The following PCM1 variants were observed in gnomAD, a reference collection of about 807,000 sequenced individuals.
PCM1 encodes pericentriolar material 1 protein.
A neutral mutation model predicts 241.9 loss-of-function variants in PCM1; 157 were observed. The ratio of observed to expected loss-of-function variants is 0.65; its 90% CI spans 0.57 to 0.74. The LOEUF (loss-of-function observed/expected upper bound fraction) is 0.74. PCM1 is among the 30% of genes least tolerant of loss of function. The probability of loss-of-function intolerance (pLI) is 0.00; values close to 1 mark genes in which losing one functional copy is unlikely to be tolerated. For missense variants in PCM1, 3,478 were observed against 2,360.1 expected, an observed-to-expected ratio of 1.47 and a Z score of -9.81; for synonymous variants, 1,085 against 784.9, an observed-to-expected ratio of 1.38 and a Z score of -6.39.
intron 2 of PCM1, among the ~76,000 whole-genome samples, chr8:17,933,422 C>A (rs1243993775): frequency 1.3e-5 from 2 of 152,036 alleles, no homozygotes; most frequent in Non-Finnish European, 2.9e-5. Context: ...GTTTATTCTT[C>A]CAGATAAATT....
chr8:18,004,941 T>G (rs1425334421), intron 29 of PCM1, among the ~76,000 whole-genome samples: 1 of 152,200 alleles, frequency 6.6e-6, no homozygotes, highest in Non-Finnish European at 1.5e-5. Context: ...GCTTTCCCCC[T>G]CTAGCTACTC....
chr8:17,947,139 A>G (rs987446400), intron 6 of PCM1, 47 bp from the exon 7 acceptor site: 2 of 1,255,154 alleles, frequency 1.6e-6, no homozygotes, highest in Non-Finnish European at 2.2e-6. Flanking sequence ...AAACCGCAAC[A>G]TGGATTTTAA....
At chr8:17,925,232 G>C (rs577509487) in intron 2 of PCM1, 28 of 152,098 alleles carry the variant, frequency 1.8e-4, no homozygotes, top group Non-Finnish European at 3.1e-4. Context: ...ATTATTTTTT[G>C]TACTTCGATC....
chr8:17,955,845 A>G (rs377160498), intron 10 of PCM1, 192 bp downstream of exon 10: 20 of 589,278 alleles, frequency 3.4e-5, no homozygotes, highest in Admixed American at 1.5e-4. Flanking sequence ...GTGATGTAAC[A>G]TAGTTTCTGT....
intron 13 of PCM1, 33 bp from the exon 14 acceptor site, chr8:17,959,981 C>G (rs1184510203): frequency 1.3e-6 from 2 of 1,599,972 alleles, no homozygotes; most frequent in South Asian, 1.1e-5. Context: ...CTTGAGGTAT[C>G]AAGATTGTTT....
chr8:17,997,920 C>T (rs112047909), intron 29 of PCM1, among the ~76,000 whole-genome samples: 2,828 of 150,650 alleles, frequency 0.019, 98 homozygotes, highest in African/African-American at 0.066. Flanking sequence ...CCTATAATGA[C>T]AGCTACTTGG....
chr8:17,947,430 A>C (rs755859389), intron 7 of PCM1, 67 bp downstream of exon 7: 1 of 1,113,252 alleles, frequency 9.0e-7, no homozygotes, highest in Non-Finnish European at 1.3e-6. Context: ...TGCAGGGTGG[A>C]TGCTGATTAT....
intron 36 of PCM1, among the ~76,000 whole-genome samples, chr8:18,017,943 TA>T (rs2093379724): frequency 6.6e-6 from 1 of 152,190 alleles, no homozygotes; most frequent in Non-Finnish European, 1.5e-5. Context: ...TTACTCTCCA[TA>T]AGGCCCTTAA....
chr8:18,009,422 C>T, intron 30 of PCM1, 125 bp from the exon 31 acceptor site: 3 of 653,804 alleles, frequency 4.6e-6, no homozygotes, highest in Non-Finnish European at 2.6e-6. Context: ...TTTAGTAATA[C>T]TAACAACCTA....
chr8:17,957,218 C>G (rs755509359), intron 11 of PCM1, 46 bp from the exon 12 acceptor site: 4 of 1,487,246 alleles, frequency 2.7e-6, no homozygotes, highest in Non-Finnish European at 3.6e-6. Flanking sequence ...TTCTTTCTCT[C>G]TTTTTTTGTG....
intron 36 of PCM1, among the ~76,000 whole-genome samples, chr8:18,018,592 C>G (rs1199285825): frequency 6.6e-6 from 1 of 151,926 alleles, no homozygotes; most frequent in Non-Finnish European, 1.5e-5. Flanking sequence ...GCGGGCGGAT[C>G]AGGAGGTCAA....
chr8:18,020,882 G>A (rs1046298176), intron 36 of PCM1, among the ~76,000 whole-genome samples: 2 of 152,160 alleles, frequency 1.3e-5, no homozygotes, highest in African/African-American at 4.8e-5. Context: ...ACCCCCATCA[G>A]TACTGGACCT....
chr8:18,018,357 A>G (rs2093422334), intron 36 of PCM1, among the ~76,000 whole-genome samples: 1 of 152,208 alleles, frequency 6.6e-6, no homozygotes, highest in African/African-American at 2.4e-5. Context: ...TTCTCAACTG[A>G]CAAAGGGAAG....
intron 17 of PCM1, 105 bp from the exon 18 acceptor site, chr8:17,964,463 C>A: frequency 1.3e-6 from 1 of 770,278 alleles, no homozygotes; most frequent in Non-Finnish European, 2.0e-6. Context: ...ATTTTATATA[C>A]AGACATGTAT....
intron 13 of PCM1, among the ~76,000 whole-genome samples, chr8:17,959,112 A>C (rs1473966904): frequency 1.3e-5 from 2 of 152,010 alleles, no homozygotes; most frequent in Non-Finnish European, 2.9e-5. Context: ...ATCACTATGC[A>C]CCTATTTTTA....
intron 36 of PCM1, among the ~76,000 whole-genome samples, chr8:18,024,684 A>G (rs552461787): frequency 6.6e-6 from 1 of 152,298 alleles, no homozygotes. Flanking sequence ...GGTCAAATTT[A>G]TGGGCTGTGA....
rs754339925 is a variant in PCM1 at position 18,009,594 on chromosome 8, A to C, written c.5010A>C (p.Glu1670Asp). ...GCAGAAAACTGAAAGACTGTGGAGA[A>C]GATCTTCTTGTAGAGATATCTGAAG... Reference protein sequence around the residue: ...FAGRKLKDCGEDLLVEISEVL... With the variant: ...FAGRKLKDCGDDLLVEISEVL... Residue 1670 changes from glutamate to aspartate, a missense_variant, in exon 31 of 39, where the codon GAA becomes GAC. Coordinates refer to ENST00000325083, the MANE Select transcript of PCM1 (RefSeq NM_006197.4). The C allele has an allele frequency of 6.2e-7, 1 of 1,603,418 alleles. No individual in the cohort carries two copies. Among genetic ancestry groups the C allele is most frequent in the South Asian group, 1.1e-5 (1 of 88,982 alleles).
chr8:17,961,304 CT>C (rs35468848), intron 15 of PCM1, among the ~76,000 whole-genome samples: 1,107 of 78,994 alleles, frequency 0.014, 5 homozygotes, highest in African/African-American at 0.055. Context: ...TATTGGCTAG[CT>C]TTTTTTTTTT....
In PCM1 at chr8:18,011,147, A is replaced by G. The variant is rs572456369; in HGVS notation, c.5221-90A>G. 3.4e-4 allele frequency: 273 copies of G among 809,386 alleles called. 2 individuals carry two copies. The African/African-American group carries it at 4.2e-3, about 12-fold the overall frequency. 50.1% of individuals were successfully genotyped at this position (809,386 alleles called of 1,614,324 possible). On this transcript the variant is annotated intron_variant, in intron 32 of 38. Transcript: ENST00000325083. ...AATGGTTCTTTGTATTTTTTATTAGATAATGATCATTATTAATACGATAGA... is the reference window on the plus strand; with the variant it reads ...AATGGTTCTTTGTATTTTTTATTAGGTAATGATCATTATTAATACGATAGA...
Sources: allele counts gnomAD v4.1 joint callset (sites outside exome capture counted in the v4.1 genomes callset), GRCh38; gene constraint gnomAD v4.1.1; transcripts MANE v1.5; gene names NCBI Gene and HGNC (gene_info 2026-07-23, HGNC 2026-07-21).